Variants in GREB1 observed in about 807,000 individuals in gnomAD.
GREB1 encodes the protein protein GREB1.
A neutral mutation model predicts 200.7 loss-of-function variants in GREB1; 106 were observed. That is an observed-to-expected ratio of 0.53 (90% CI 0.45 to 0.62). GREB1 has a LOEUF of 0.62. GREB1 is among the 20% of genes least tolerant of loss of function. GREB1 has a pLI of 0.00. For synonymous variants in GREB1, 1,132 were observed against 1,092.4 expected (o/e 1.04, Z -0.72); for missense variants, 2,243 against 2,556.8 (o/e 0.88, Z 2.65).
In GREB1 at chr2:11,506,848, A is replaced by G. The variant is rs570092497; in HGVS notation, c.-159+24467A>G. Among the ~76,000 whole-genome samples, 8 of 152,280 alleles carry G rather than the reference A, an allele frequency of 5.3e-5. No individual in the cohort carries two copies. In the East Asian group the frequency reaches 1.5e-3, roughly 29 times the overall value. ...ATACTGCACACACACTGCAGTGTGC[A>G]GTGGCAGACTGCACTGTACTGTGGA... On this transcript the variant is annotated intron_variant, in intron 1 of 2. Coordinates refer to the GREB1 transcript ENST00000628795.
rs1419574171 is a variant in GREB1 at position 11,640,196 on chromosome 2, C to A, written c.5687-95C>A. The stretch of plus-strand genomic sequence containing the variant: ...GCCGCTTCTGCCCTTCCCAACAGCG[C>A]CCTGTCTTGTCATTGCAAGTAGAAT... On this transcript the variant is annotated intron_variant, in intron 32 of 32. Transcript: ENST00000381486. The surrounding 1 kb of genome is among the most constrained non-coding windows in gnomAD (Gnocchi z 4.6). 8.1e-7 allele frequency: 1 copy of A among 1,240,072 alleles called. No homozygotes were observed. Among genetic ancestry groups the A allele is most frequent in the East Asian group, 2.4e-5 (1 of 42,194 alleles). 76.8% of individuals were successfully genotyped at this position (1,240,072 alleles called of 1,614,324 possible). A position where few individuals can be genotyped will look rare whatever the true frequency, so the allele number is the denominator to read the frequency against.
intron 32 of GREB1, 66 bp downstream of exon 32, chr2:11,638,875 A>C: frequency 1.3e-6 from 2 of 1,542,762 alleles, no homozygotes; most frequent in Non-Finnish European, 1.8e-6. Flanking sequence ...TACCCTGAGG[A>C]GGGGACCTTT....
intron 1 of GREB1, among the ~76,000 whole-genome samples, chr2:11,500,411 G>T (rs938022398): frequency 6.6e-6 from 1 of 151,372 alleles, no homozygotes; most frequent in African/African-American, 2.4e-5. Flanking sequence ...TGCTCGCCTC[G>T]GACTCCCAAA....
chr2:11,587,694 AAC>A (rs377181735), intron 9 of GREB1: 59,376 of 688,412 alleles, frequency 0.086, 1,096 homozygotes, highest in Non-Finnish European at 0.091. Context: ...AGTACAAGAT[AAC>A]ACACACACAC....
chr2:11,510,982 C>T (rs891297341), intron 1 of GREB1, among the ~76,000 whole-genome samples: 1 of 152,138 alleles, frequency 6.6e-6, no homozygotes, highest in Non-Finnish European at 1.5e-5. Flanking sequence ...CAATTATGAA[C>T]GTATGGATTT....
intron 20 of GREB1, among the ~76,000 whole-genome samples, 157 bp downstream of exon 20, chr2:11,615,447 C>T (rs1214029912): frequency 6.6e-6 from 1 of 152,162 alleles, no homozygotes; most frequent in Admixed American, 6.5e-5. Context: ...GAGAGGTCTC[C>T]AGTGTTGGAT....
rs1482579531 is a variant in GREB1 at position 11,618,423 on chromosome 2, A to G, written c.3548A>G (p.Gln1183Arg). The change falls in exon 22 of 33, where the codon CAG becomes CGG. Residue 1183 changes from glutamine to arginine, a missense_variant. Around this residue, in one of 3 missense-constraint regions of GREB1, gnomAD observed 587 missense variants for 553.1 expected, o/e 1.06. Transcript: ENST00000381486. Reference sequence around the variant, plus strand: ...GAGAAACAGAGGCCCCGGGCAAGTCAGGGGCCACCCTCGGCCATCAGCAGG... The same window carrying G: ...GAGAAACAGAGGCCCCGGGCAAGTCGGGGGCCACCCTCGGCCATCAGCAGG... ...PGEKQRPRASQGPPSAISRHS... is the reference protein window; with the variant it reads ...PGEKQRPRASRGPPSAISRHS... The G allele has an allele frequency of 1.9e-6, 3 of 1,608,734 alleles. No homozygotes were observed. The Admixed American group carries it at 5.1e-5, about 27-fold the overall frequency.
chr2:11,637,953 C>T, intron 31 of GREB1, 37 bp downstream of exon 31: 1 of 1,536,876 alleles, frequency 6.5e-7, no homozygotes, highest in Non-Finnish European at 9.0e-7. Flanking sequence ...ATCCCTAATT[C>T]AGAGAAATCT....
At chr2:11,501,936 G>T (rs1271767968) in intron 1 of GREB1, among the ~76,000 whole-genome samples, 3 of 26,238 alleles carry the variant, frequency 1.1e-4, no homozygotes, top group South Asian at 1.2e-3. Context: ...TTTTTTTTGA[G>T]ATGGAGTTTT....
At chr2:11,487,419 T>C (rs1454027092) in intron 1 of GREB1, among the ~76,000 whole-genome samples, 1 of 152,212 alleles carries the variant, frequency 6.6e-6, no homozygotes, top group Non-Finnish European at 1.5e-5. Flanking sequence ...TGCCATCATA[T>C]TATGGGCTTC....
chr2:11,515,515 C>G (rs1431108109), intron 1 of GREB1, among the ~76,000 whole-genome samples: 1 of 152,160 alleles, frequency 6.6e-6, no homozygotes. Flanking sequence ...TCTGCCCCTC[C>G]GAGGTTTTCT....
intron 4 of GREB1, among the ~76,000 whole-genome samples, chr2:11,575,241 G>C (rs1678724670): frequency 6.6e-6 from 1 of 152,214 alleles, no homozygotes; most frequent in Non-Finnish European, 1.5e-5. Flanking sequence ...CCCAGCCAAA[G>C]ACCTTTGAGC....
At chr2:11,490,515 A>C (rs927855821) in intron 1 of GREB1, among the ~76,000 whole-genome samples, 2 of 152,116 alleles carry the variant, frequency 1.3e-5, no homozygotes, top group Admixed American at 6.5e-5. Context: ...GCTTGTAGGA[A>C]TCTTCATAAA....
chr2:11,591,712 G>A, intron 10 of GREB1: 3 of 450,910 alleles, frequency 6.7e-6, no homozygotes, highest in South Asian at 2.5e-5. Context: ...AGGAAGTAAC[G>A]TTCTATATGT....
rs1412251306 is a variant in GREB1, at chr2:11,638,550, GC to G, written c.5548-115del. The G allele has an allele frequency of 9.6e-6, 7 of 725,534 alleles. No individual in the cohort carries two copies. In the Admixed American group the frequency reaches 1.9e-4, roughly 20 times the overall value. The allele number at this position is 725,534 out of a possible 1,614,324, so 44.9% of individuals were successfully genotyped here. ...AAATAACATGAAAATATTGTCTCTGGCCCCCCAAAAATCTTGAGCTGGACCA... is the reference window on the plus strand; with the variant it reads ...AAATAACATGAAAATATTGTCTCTGGCCCCCAAAAATCTTGAGCTGGACCA... On this transcript the variant is annotated intron_variant, in intron 31 of 32. Coordinates refer to ENST00000381486, the MANE Select transcript of GREB1 (RefSeq NM_014668.4).
At chr2:11,632,228 T>C (rs967646385) in intron 27 of GREB1, 115 bp downstream of exon 27, 1 of 712,330 alleles carries the variant, frequency 1.4e-6, no homozygotes, top group Non-Finnish European at 2.4e-6. Flanking sequence ...TTTTGGACTT[T>C]TAAAGCTATT....
rs985364406 is a variant in GREB1 at position 11,629,764 on chromosome 2, C to T, written c.4450-184C>T. Reference sequence around the variant, plus strand: ...CTCGTCGTGGGTGTGTGGCCTCGGGCGTGCTTGCCCTGTCAACAGACCTGG... The same window carrying T: ...CTCGTCGTGGGTGTGTGGCCTCGGGTGTGCTTGCCCTGTCAACAGACCTGG... On this transcript the variant is annotated intron_variant, in intron 25 of 32. Coordinates refer to ENST00000381486, the MANE Select transcript of GREB1 (RefSeq NM_014668.4). The surrounding 1 kb of genome is among the most constrained non-coding windows in gnomAD (Gnocchi z 5.2). 6.6e-6 allele frequency among the ~76,000 whole-genome samples: 1 copy of T among 152,124 alleles called. No homozygotes were observed. The highest frequency in any genetic ancestry group is 2.4e-5 in the African/African-American group (1 of 41,428).
chr2:11,592,556 T>C (rs1680837416), intron 10 of GREB1, among the ~76,000 whole-genome samples: 1 of 150,164 alleles, frequency 6.7e-6, no homozygotes, highest in South Asian at 2.1e-4. Context: ...AAAAAAACTT[T>C]CATATGGAAA....
intron 1 of GREB1, among the ~76,000 whole-genome samples, chr2:11,519,670 G>T (rs1331458065): frequency 6.6e-6 from 1 of 151,724 alleles, no homozygotes; most frequent in Non-Finnish European, 1.5e-5. Flanking sequence ...TTGCCAGGCT[G>T]GTCTCGACCT....
Sources: allele counts gnomAD v4.1 joint callset (sites outside exome capture counted in the v4.1 genomes callset), GRCh38; gene constraint gnomAD v4.1.1; regional missense constraint gnomAD v4.1.1; non-coding constraint Gnocchi (gnomAD v3.1); transcripts MANE v1.5; gene names NCBI Gene and HGNC (gene_info 2026-07-23, HGNC 2026-07-21).